C9: variants seen among roughly 807,000 people sequenced by gnomAD.
C9 encodes the protein complement C9, also known as complement component C9.
A neutral mutation model predicts 65.4 loss-of-function variants in C9; 63 were observed. The observed-to-expected ratio is 0.96, with a 90% CI of 0.79 to 1.19. The LOEUF (loss-of-function observed/expected upper bound fraction) is 1.19. Ranked by LOEUF, C9 falls within the 50% of genes most tolerant of loss-of-function variation. The probability of loss-of-function intolerance (pLI) is 0.00; values close to 1 mark genes in which losing one functional copy is unlikely to be tolerated. For synonymous variants in C9, 229 were observed against 227.9 expected (o/e 1.00, Z -0.04); for missense variants, 744 against 670.1 (o/e 1.11, Z -1.22).
chr5:39,353,388 C>G (rs1754356942), intron 1 of C9, among the ~76,000 whole-genome samples: 1 of 152,206 alleles, frequency 6.6e-6, no homozygotes, highest in Admixed American at 6.5e-5. Context: ...TGGCCTATCC[C>G]TTTCCTAATT....
intron 1 of C9, among the ~76,000 whole-genome samples, chr5:39,354,774 C>T (rs928449598): frequency 1.3e-5 from 2 of 152,052 alleles, no homozygotes; most frequent in Non-Finnish European, 2.9e-5. Flanking sequence ...ATTGTAACCC[C>T]CTGCATAGCT....
At chr5:39,350,728 C>A (rs1031287771) in intron 1 of C9, among the ~76,000 whole-genome samples, 1 of 152,206 alleles carries the variant, frequency 6.6e-6, no homozygotes, top group African/African-American at 2.4e-5. Context: ...CAAGGAGCAG[C>A]TCTGCTTCTG....
At chr5:39,341,472 T>C (rs1754081144) in intron 3 of C9, 84 bp downstream of exon 3, 27 of 1,531,640 alleles carry the variant, frequency 1.8e-5, no homozygotes, top group Non-Finnish European at 9.0e-7. Flanking sequence ...AATCCAAGTG[T>C]CCAGAAGCAT....
chr5:39,335,948 C>T (rs201520125), intron 4 of C9, among the ~76,000 whole-genome samples: 7 of 152,052 alleles, frequency 4.6e-5, no homozygotes, highest in Non-Finnish European at 7.4e-5. Context: ...TGTTTGTCTC[C>T]GCTATAAAGG....
chr5:39,354,720 T>C (rs1403369403), intron 1 of C9, among the ~76,000 whole-genome samples: 1 of 152,244 alleles, frequency 6.6e-6, no homozygotes, highest in Non-Finnish European at 1.5e-5. Context: ...AGCTAGTTAG[T>C]TTGAGGATCA....
chr5:39,341,598 C>A lies in C9; in HGVS notation c.286G>T (p.Asp96Tyr), dbSNP rs776608290. 1.3e-5 allele frequency: 21 copies of A among 1,613,994 alleles called. No homozygotes were observed. The South Asian group carries it at 2.2e-4, about 17-fold the overall frequency. The part of the protein sequence containing the change: ...RQCVPTEPCE[D>Y]AEDDCGNDFQ... ...TCATTTCCGCAGTCATCCTCAGCAT[C>A]CTCACAGGGCTCTGTGGGCACACAC... Residue 96 changes from aspartate to tyrosine, a missense_variant, in exon 3 of 11, where the codon GAT (aspartate) becomes TAT (tyrosine). Transcript: ENST00000263408.
At chr5:39,310,296 C>T (rs1753457208) in intron 7 of C9, among the ~76,000 whole-genome samples, 1 of 152,146 alleles carries the variant, frequency 6.6e-6, no homozygotes, top group Admixed American at 6.6e-5. Flanking sequence ...ACGCTTTCCT[C>T]CCTAAGAGAC....
intron 1 of C9, among the ~76,000 whole-genome samples, chr5:39,343,226 A>T (rs1754123384): frequency 1.3e-5 from 2 of 152,188 alleles, no homozygotes; most frequent in South Asian, 4.1e-4. Context: ...AAGCAGGGCA[A>T]GGCATCGCCT....
intron 9 of C9, among the ~76,000 whole-genome samples, chr5:39,289,745 G>A (rs1005867913): frequency 2.0e-5 from 3 of 151,772 alleles, no homozygotes; most frequent in Non-Finnish European, 2.9e-5. Context: ...GAACATGTGA[G>A]CCTGAACAAT....
chr5:39,290,231 T>C (rs768379702), intron 9 of C9, among the ~76,000 whole-genome samples: 1 of 151,876 alleles, frequency 6.6e-6, no homozygotes, highest in Non-Finnish European at 1.5e-5. Context: ...TTGTGCAGCT[T>C]GATGATCATA....
Position 39,339,603 on chromosome 5 carries a change from C to T in C9, c.476+1543G>A, listed in dbSNP as rs565413736. Among the ~76,000 whole-genome samples the T allele has an allele frequency of 2.0e-5, 3 of 152,074 alleles. No individual in the cohort carries two copies. The East Asian group carries it at 5.8e-4, about 29-fold the overall frequency. On this transcript the variant is annotated intron_variant, in intron 4 of 10. Coordinates refer to ENST00000263408, the MANE Select transcript of C9 (RefSeq NM_001737.5). ...CAATAGCACTCCCCATTCTCACCCC[C>T]TCCAAGATGTCACAGCTACAATGGT...
At chr5:39,316,481 A>G (rs1368248091) in intron 5 of C9, among the ~76,000 whole-genome samples, 3 of 152,144 alleles carry the variant, frequency 2.0e-5, no homozygotes, top group African/African-American at 7.2e-5. Context: ...TCCATTAGCT[A>G]TTCCTCCTGA....
At chr5:39,286,163 A>G (rs1049946027) in intron 10 of C9, among the ~76,000 whole-genome samples, 10 of 152,112 alleles carry the variant, frequency 6.6e-5, no homozygotes, top group African/African-American at 1.7e-4. Flanking sequence ...AGAACTTTAC[A>G]TAAAAATCTA....
At position 39,351,836 on chromosome 5, in the gene C9, T is replaced by A. The variant is rs1070362; in HGVS notation, c.78-9640A>T. On this transcript the variant is annotated intron_variant, in intron 1 of 10. Transcript: ENST00000263408. The stretch of plus-strand genomic sequence containing the variant: ...TCCCTTCCTGTCTTCTTCTGAGACC[T>A]CCAAACTCTTCCAACCTCTGCCTGT... Among the ~76,000 whole-genome samples the A allele has an allele frequency of 0.012, 1,818 of 152,258 alleles. 161 individuals carry two copies. In the East Asian group the frequency reaches 0.26, roughly 21 times the overall value.
intron 5 of C9, among the ~76,000 whole-genome samples, chr5:39,316,961 C>T (rs901441583): frequency 1.3e-5 from 2 of 152,210 alleles, no homozygotes; most frequent in African/African-American, 4.8e-5. Flanking sequence ...TACACACCCA[C>T]CAACACTGTA....
At position 39,342,099 on chromosome 5, in the gene C9, T is replaced by C; in HGVS notation, c.175A>G (p.Arg59Gly). The change falls in exon 2 of 11, where the codon AGA becomes GGA. Residue 59 changes from arginine to glycine, a missense_variant. Coordinates refer to ENST00000263408, the MANE Select transcript of C9 (RefSeq NM_001737.5). ...GGGAGATGAACACTTACCATTTGTC[T>C]GAGACAAGGATCGCATTGTGACCAT... Reference protein sequence around the residue: ...SEWSQCDPCLRQMFRSRSIEV... With the variant: ...SEWSQCDPCLGQMFRSRSIEV... 1 of 1,565,508 alleles carries C rather than the reference T, an allele frequency of 6.4e-7. No homozygotes were observed. Among genetic ancestry groups the C allele is most frequent in the Non-Finnish European group, 8.8e-7 (1 of 1,135,516 alleles).
chr5:39,330,161 C>T (rs1156307887), intron 5 of C9, among the ~76,000 whole-genome samples: 1 of 151,566 alleles, frequency 6.6e-6, no homozygotes. Flanking sequence ...TATCTATAGT[C>T]TTCATTTTTC....
intron 1 of C9, among the ~76,000 whole-genome samples, chr5:39,364,012 A>T (rs1472557981): frequency 1.3e-5 from 2 of 152,234 alleles, no homozygotes. Flanking sequence ...GGTGTCAGGC[A>T]TTGAAGCAGA....
At chr5:39,298,016 A>G (rs1339800758) in intron 9 of C9, among the ~76,000 whole-genome samples, 1 of 151,768 alleles carries the variant, frequency 6.6e-6, no homozygotes, top group Non-Finnish European at 1.5e-5. Flanking sequence ...AGTAACAGAA[A>G]GCTATCTGAA....
Sources: allele counts gnomAD v4.1 joint callset (sites outside exome capture counted in the v4.1 genomes callset), GRCh38; gene constraint gnomAD v4.1.1; transcripts MANE v1.5; gene names NCBI Gene and HGNC (gene_info 2026-07-23, HGNC 2026-07-21).